The following AATK variants were observed in gnomAD, a reference collection of about 807,000 sequenced individuals.
AATK encodes the protein lemur tail kinase 1.
In AATK, 91 loss-of-function variants were observed where a neutral mutation model predicts 114.3. The observed-to-expected ratio is 0.80, with a 90% CI of 0.67 to 0.95. The LOEUF is 0.95. Among genes scored for constraint, AATK ranks in the 40% least tolerant of loss-of-function variants. The probability of loss-of-function intolerance (pLI) is 0.00; values close to 1 mark genes in which losing one functional copy is unlikely to be tolerated. For missense variants in AATK, 2,176 were observed against 1,965.2 expected (o/e 1.11, Z -2.03); for synonymous variants, 1,075 against 916.5 (o/e 1.17, Z -3.12).
In AATK at chr17:81,129,154, C is replaced by T. The variant is rs376939196; in HGVS notation, c.335-605G>A. Among the ~76,000 whole-genome samples, 20 of 152,362 alleles carry T rather than the reference C, an allele frequency of 1.3e-4. 1 individual carries two copies. In the East Asian group the frequency reaches 2.1e-3, roughly 16 times the overall value. Reference sequence around the variant, plus strand: ...CCTGCCCACGCCCCGAGGGATTCCCCGAATTCTGCTCCCACGTCAACTGCC... The same window carrying T: ...CCTGCCCACGCCCCGAGGGATTCCCTGAATTCTGCTCCCACGTCAACTGCC... On this transcript the variant is annotated intron_variant, in intron 3 of 13. Coordinates refer to ENST00000326724, the MANE Select transcript of AATK (RefSeq NM_001080395.3).
intron 3 of AATK, among the ~76,000 whole-genome samples, chr17:81,129,245 C>G (rs2060894493): frequency 6.6e-6 from 1 of 152,228 alleles, no homozygotes; most frequent in South Asian, 2.1e-4. Flanking sequence ...GGGGCTCCTT[C>G]CAGGGCCTGG....
intron 1 of AATK, among the ~76,000 whole-genome samples, chr17:81,136,421 C>T (rs1233194071): frequency 6.6e-6 from 1 of 152,168 alleles, no homozygotes; most frequent in Non-Finnish European, 1.5e-5. Flanking sequence ...CCTCGGCCAC[C>T]CTGGGCTCCC....
At chr17:81,162,757 G>A (rs542296749) in intron 1 of AATK, among the ~76,000 whole-genome samples, 99 of 152,328 alleles carry the variant, frequency 6.5e-4, no homozygotes, top group African/African-American at 2.3e-3. Flanking sequence ...CCCCCATGGC[G>A]CCTGGTTCAG....
Position 81,122,411 on chromosome 17 carries a change from C to CG in AATK, c.1524dup (p.Asp509ArgfsTer38). ...GGAACCACGCCCGGGGGCGCGCCGT[C>CG]GGGGGCGCACAGCTCCTGCAGGCGT... is the stretch of plus-strand genomic sequence containing the variant. On this transcript the variant is annotated frameshift_variant, in exon 11 of 14. Transcript: ENST00000326724. LOFTEE classifies it high-confidence loss of function. 1 of 1,461,242 alleles carries CG rather than the reference C, an allele frequency of 6.8e-7. No homozygotes were observed. The allele number at this position is 1,461,242 out of a possible 1,614,324, so 90.5% of individuals were successfully genotyped here. A position where few individuals can be genotyped will look rare whatever the true frequency, so the allele number is the denominator to read the frequency against.
In AATK at chr17:81,126,994, G is replaced by T. The variant is rs1442626354; in HGVS notation, c.622-434C>A. On this transcript the variant is annotated intron_variant, in intron 6 of 13. Coordinates refer to ENST00000326724, the MANE Select transcript of AATK (RefSeq NM_001080395.3). This position sits in a 1 kb window ranked among gnomAD's most constrained non-coding sequence, Gnocchi z 5.1. ...CCCTGTCCCGAGGGAAGCCAGCAGG[G>T]GATCCAGCCCAGCCACAGACAGCCT... Among the ~76,000 whole-genome samples, 1 of 150,922 alleles carries T rather than the reference G, an allele frequency of 6.6e-6. No individual in the cohort carries two copies. Among genetic ancestry groups the T allele is most frequent in the Non-Finnish European group, 1.5e-5 (1 of 67,662 alleles).
intron 1 of AATK, among the ~76,000 whole-genome samples, chr17:81,157,084 G>A (rs2061375704): frequency 6.6e-6 from 1 of 152,156 alleles, no homozygotes. Context: ...GACAGATGTG[G>A]GCACCATCTG....
intron 9 of AATK, among the ~76,000 whole-genome samples, 165 bp downstream of exon 9, chr17:81,124,562 C>T (rs939370454): frequency 3.3e-5 from 5 of 152,222 alleles, no homozygotes; most frequent in East Asian, 1.9e-4. Context: ...GTATCTCCCC[C>T]GGTGTGGGGT....
At chr17:81,155,404 T>C (rs78660599) in intron 1 of AATK, among the ~76,000 whole-genome samples, 2 of 152,030 alleles carry the variant, frequency 1.3e-5, no homozygotes, top group African/African-American at 4.8e-5. Flanking sequence ...TTATTATTTT[T>C]TGAGACGCAG....
chr17:81,123,105 C>T, intron 10 of AATK, 89 bp downstream of exon 10: 1 of 1,339,732 alleles, frequency 7.5e-7, no homozygotes, highest in Non-Finnish European at 9.6e-7. Context: ...GGCTGGAACG[C>T]CAGGGGGTCA....
intron 3 of AATK, among the ~76,000 whole-genome samples, chr17:81,130,614 T>G (rs922629652): frequency 4.6e-5 from 7 of 152,128 alleles, no homozygotes; most frequent in African/African-American, 1.2e-4. Flanking sequence ...CCTGAAGGGC[T>G]GGCGCTCAAG....
At chr17:81,131,903 T>A (rs1318877799) in intron 2 of AATK, 6 of 1,336,336 alleles carry the variant, frequency 4.5e-6, no homozygotes, top group Non-Finnish European at 6.0e-6. Flanking sequence ...GCAGCCCACC[T>A]GCCACCGCCA....
chr17:81,131,155 G>A lies in AATK; in HGVS notation c.240C>T (p.Gly80=). ...CGTTCTGTGCTGCCGTGGCCGGGGAGCCCTGCGCCAGGTCGGCTGCGTACT... is the reference window on the plus strand; with the variant it reads ...CGTTCTGTGCTGCCGTGGCCGGGGAACCCTGCGCCAGGTCGGCTGCGTACT... ...GDEYAADLAQ[G]SPATAAQNGP... The change falls in exon 3 of 14, where the codon GGC becomes GGT. Residue 80 remains glycine, a synonymous_variant. Transcript: ENST00000326724. 6.3e-7 allele frequency: 1 copy of A among 1,577,832 alleles called. No individual in the cohort carries two copies. The highest frequency in any genetic ancestry group is 8.6e-7 in the Non-Finnish European group (1 of 1,163,116).
chr17:81,118,076 T>TG lies in AATK; in HGVS notation c.*325dup, dbSNP rs34141342. On this transcript the variant is annotated 3_prime_UTR_variant, in exon 14 of 14. Transcript: ENST00000326724. ...GAGGCCAGGCAGGCAGGGCAGAGGG[T>TG]GGGGGCCGCCGTGCCCAGGGGCACT... 3 of 287,146 alleles carry TG rather than the reference T, an allele frequency of 1.0e-5. No individual in the cohort carries two copies. Among genetic ancestry groups the TG allele is most frequent in the Non-Finnish European group, 2.0e-5 (3 of 152,556 alleles). The allele number at this position is 287,146 out of a possible 1,614,324, so 17.8% of individuals were successfully genotyped here. A position where few individuals can be genotyped will look rare whatever the true frequency, so the allele number is the denominator to read the frequency against.
Position 81,122,199 on chromosome 17 carries a change from G to A in AATK, c.1737C>T (p.Gly579=), listed in dbSNP as rs1278055616. ...AASLAMEPLL[G]HGPPVDVPWG... ...AGGGGACGTCGACGGGTGGCCCGTG[G>A]CCCAGCAGCGGCTCCATGGCCAGCG... The change falls in exon 11 of 14, where the codon GGC becomes GGT. Residue 579 remains glycine, a synonymous_variant. Transcript: ENST00000326724. 2.7e-6 allele frequency: 4 copies of A among 1,503,928 alleles called. No homozygotes were observed. The African/African-American group carries it at 4.2e-5, about 16-fold the overall frequency. 93.2% of individuals were successfully genotyped at this position (1,503,928 alleles called of 1,614,324 possible). A position where few individuals can be genotyped will look rare whatever the true frequency, so the allele number is the denominator to read the frequency against.
intron 13 of AATK, among the ~76,000 whole-genome samples, 174 bp from the exon 14 acceptor site, chr17:81,118,616 G>A (rs1024623665): frequency 2.0e-5 from 3 of 152,224 alleles, no homozygotes; most frequent in African/African-American, 4.8e-5. Flanking sequence ...TCCTGTCACT[G>A]GACTCAGGCC....
At chr17:81,145,639 A>C (rs575192554) in intron 1 of AATK, among the ~76,000 whole-genome samples, 1 of 151,250 alleles carries the variant, frequency 6.6e-6, no homozygotes, top group South Asian at 2.1e-4. Context: ...AGGCTGAGAC[A>C]GGAGAATTGC....
At chr17:81,149,692 G>A (rs775780259) in intron 1 of AATK, among the ~76,000 whole-genome samples, 1 of 151,958 alleles carries the variant, frequency 6.6e-6, no homozygotes, top group East Asian at 1.9e-4. Flanking sequence ...TGGGTGCCTG[G>A]AGCCTGTGCC....
Position 81,118,410 on chromosome 17 carries a change from CTT to C in AATK, c.4115_4116del (p.Lys1372ArgfsTer27), listed in dbSNP as rs1477397635. 4 of 1,608,176 alleles carry C rather than the reference CTT, an allele frequency of 2.5e-6. No individual in the cohort carries two copies. Among genetic ancestry groups the C allele is most frequent in the African/African-American group, 1.3e-5 (1 of 74,750 alleles). On this transcript the variant is annotated frameshift_variant, in exon 14 of 14. Coordinates refer to ENST00000326724, the MANE Select transcript of AATK (RefSeq NM_001080395.3). LOFTEE classifies it high-confidence loss of function. The stretch of plus-strand genomic sequence containing the variant: ...CAGGAGCTGCCCAGGTCTCAAGCCT[CTT>C]TACTCTCACCCCCGGCACCAGCTTC... Reference protein sequence around the residue: ...GPEAGAGGESKEA With the variant: ...GPEAGAGGESXEA
chr17:81,158,618 C>T (rs1169352526), intron 1 of AATK, among the ~76,000 whole-genome samples: 1 of 152,192 alleles, frequency 6.6e-6, no homozygotes, highest in Non-Finnish European at 1.5e-5. Flanking sequence ...CACAGGCCAG[C>T]TGGCCAGGGC....
Sources: allele counts gnomAD v4.1 joint callset (sites outside exome capture counted in the v4.1 genomes callset), GRCh38; gene constraint gnomAD v4.1.1; non-coding constraint Gnocchi (gnomAD v3.1); transcripts MANE v1.5; gene names NCBI Gene and HGNC (gene_info 2026-07-23, HGNC 2026-07-21).